ANKRD31: variants seen among roughly 807,000 people sequenced by gnomAD.
ANKRD31 encodes ankyrin repeat domain 31, also known as ankyrin repeat domain-containing protein 31.
A neutral mutation model predicts 186.0 loss-of-function variants in ANKRD31; 147 were observed. The ratio of observed to expected loss-of-function variants is 0.79; its 90% CI spans 0.69 to 0.91. The LOEUF (loss-of-function observed/expected upper bound fraction) is 0.91. Ranked by LOEUF, ANKRD31 falls within the 40% of genes least tolerant of loss-of-function variation. The pLI, the probability that ANKRD31 is intolerant of heterozygous loss-of-function variation, is 0.00. For synonymous variants in ANKRD31, 673 were observed against 736.4 expected, an observed-to-expected ratio of 0.91 and a Z score of 1.39; for missense variants, 1,986 against 2,148.8, an observed-to-expected ratio of 0.92 and a Z score of 1.50.
At chr5:75,225,092 C>T (rs73116843) in intron 2 of ANKRD31, among the ~76,000 whole-genome samples, 7,315 of 151,984 alleles carry the variant, frequency 0.048, 377 homozygotes, top group African/African-American at 0.13. Context: ...TTATTTGCTG[C>T]GTTGGTTGTA....
At chr5:75,227,305 A>G (rs1757689791) in intron 2 of ANKRD31, among the ~76,000 whole-genome samples, 1 of 152,206 alleles carries the variant, frequency 6.6e-6, no homozygotes, top group Non-Finnish European at 1.5e-5. Flanking sequence ...AGAAGGATGT[A>G]GGGATGGTTA....
At chr5:75,194,100 G>A (rs1021783147) in intron 7 of ANKRD31, among the ~76,000 whole-genome samples, 13 of 152,122 alleles carry the variant, frequency 8.5e-5, no homozygotes, top group Non-Finnish European at 1.8e-4. Flanking sequence ...ATTCATTATA[G>A]ATTTAACTTC....
chr5:75,132,442 T>C (rs1749944787), intron 17 of ANKRD31, among the ~76,000 whole-genome samples: 1 of 151,968 alleles, frequency 6.6e-6, no homozygotes, highest in Non-Finnish European at 1.5e-5. Flanking sequence ...ATGAATGAAC[T>C]GAAGCGAGAA....
At chr5:75,210,443 G>T (rs1756547096) in intron 4 of ANKRD31, among the ~76,000 whole-genome samples, 2 of 152,186 alleles carry the variant, frequency 1.3e-5, no homozygotes, top group Admixed American at 1.3e-4. Context: ...CAGAGTGCTA[G>T]GATTACAGGC....
intron 2 of ANKRD31, chr5:75,225,593 G>T: frequency 4.1e-6 from 1 of 242,726 alleles, no homozygotes. Flanking sequence ...AATTTGACAG[G>T]CAACCAATAA....
intron 3 of ANKRD31, among the ~76,000 whole-genome samples, chr5:75,217,989 G>C (rs1757063826): frequency 6.6e-6 from 1 of 152,016 alleles, no homozygotes. Flanking sequence ...TGTCTCAAAA[G>C]GATCTTATTT....
chr5:75,103,658 AC>A (rs1182314697), intron 22 of ANKRD31, among the ~76,000 whole-genome samples: 1 of 152,256 alleles, frequency 6.6e-6, no homozygotes, highest in African/African-American at 2.4e-5. Flanking sequence ...ACCATGGAAT[AC>A]TATGCAGCCA....
chr5:75,233,040 C>T (rs1392291884), intron 1 of ANKRD31, among the ~76,000 whole-genome samples: 1 of 150,602 alleles, frequency 6.6e-6, no homozygotes, highest in Admixed American at 6.6e-5. Context: ...TAGGTTCTAC[C>T]ATTTCTTTTT....
chr5:75,119,333 A>G (rs1455571280), intron 17 of ANKRD31, among the ~76,000 whole-genome samples: 2 of 152,196 alleles, frequency 1.3e-5, no homozygotes, highest in South Asian at 2.1e-4. Context: ...GCTTGCACTT[A>G]TAAGTGAGAA....
intron 15 of ANKRD31, among the ~76,000 whole-genome samples, chr5:75,140,278 A>G (rs1477637414): frequency 1.7e-5 from 2 of 117,426 alleles, no homozygotes; most frequent in East Asian, 2.4e-4. Context: ...AAAGAGAGAG[A>G]GAGAAAGAAA....
At chr5:75,139,540 T>C (rs1035374712) in intron 15 of ANKRD31, among the ~76,000 whole-genome samples, 3 of 152,070 alleles carry the variant, frequency 2.0e-5, no homozygotes, top group Non-Finnish European at 4.4e-5. Flanking sequence ...GATCATGTTT[T>C]CCCCCTATTT....
chr5:75,206,471 AAC>A lies in ANKRD31; in HGVS notation c.341_342del (p.Cys114PhefsTer20). The A allele has an allele frequency of 6.9e-7, 1 of 1,455,368 alleles. No individual in the cohort carries two copies. Among genetic ancestry groups the A allele is most frequent in the Non-Finnish European group, 9.0e-7 (1 of 1,109,714 alleles). 90.2% of individuals were successfully genotyped at this position (1,455,368 alleles called of 1,614,324 possible). On this transcript the variant is annotated frameshift_variant, in exon 5 of 26. Transcript: ENST00000506364. LOFTEE classifies it high-confidence loss of function. ...TGGCGAAACGACCCAATGAACATTG[AAC>A]AGTTTTTTCTAGTCCTAAAAAATCA... ...NQALLQTRKN[C>X]SMFIGSFRQS...
intron 17 of ANKRD31, among the ~76,000 whole-genome samples, chr5:75,130,048 G>A (rs921073371): frequency 3.9e-5 from 6 of 152,144 alleles, no homozygotes; most frequent in Admixed American, 3.9e-4. Flanking sequence ...TCTTAAAGAT[G>A]GCGTGTCCAG....
At chr5:75,085,936 G>C (rs991389619) in intron 23 of ANKRD31, among the ~76,000 whole-genome samples, 2 of 152,132 alleles carry the variant, frequency 1.3e-5, no homozygotes, top group Non-Finnish European at 2.9e-5. Flanking sequence ...TCAATCCTAT[G>C]ACCAAACAAA....
intron 22 of ANKRD31, among the ~76,000 whole-genome samples, chr5:75,097,973 T>C (rs1746469966): frequency 6.6e-6 from 1 of 152,126 alleles, no homozygotes; most frequent in Admixed American, 6.5e-5. Context: ...GTTGTAGATG[T>C]GTGGTATTAT....
At chr5:75,077,559 AT>A (rs5868761) in intron 25 of ANKRD31, among the ~76,000 whole-genome samples, 77,006 of 151,760 alleles carry the variant, frequency 0.51, 22,600 homozygotes, top group African/African-American at 0.82. Flanking sequence ...GAGGTACTTG[AT>A]TTTTATATAT....
intron 10 of ANKRD31, among the ~76,000 whole-genome samples, chr5:75,177,991 C>G (rs888500086): frequency 1.3e-5 from 2 of 152,126 alleles, no homozygotes; most frequent in Non-Finnish European, 2.9e-5. Context: ...GGAAATCCAT[C>G]TCACGTGCAG....
At chr5:75,181,033 C>CAA (rs34106464) in intron 10 of ANKRD31, among the ~76,000 whole-genome samples, 3 of 139,802 alleles carry the variant, frequency 2.1e-5, no homozygotes, top group Non-Finnish European at 4.9e-5. Context: ...AACAAATTTA[C>CAA]AAAAAAAAAA....
chr5:75,195,780 A>G lies in ANKRD31; in HGVS notation c.868T>C (p.Leu290=), dbSNP rs1580534914. The change falls in exon 7 of 26, where the codon TTG becomes CTG. Residue 290 remains leucine (L), a synonymous_variant. Transcript: ENST00000506364. ...TCTGACAATGTGTTCAGGGCTTCCA[A>G]TAACTCAGCTGGCAATGCATCATCT... ...AKDDALPAEL[L]EALNTLSEAK... 1 of 1,537,494 alleles carries G rather than the reference A, an allele frequency of 6.5e-7. No individual in the cohort carries two copies. The highest frequency in any genetic ancestry group is 8.7e-7 in the Non-Finnish European group (1 of 1,146,922).
Sources: gnomAD v4.1 joint callset for allele counts (sites outside exome capture counted in the v4.1 genomes callset) on GRCh38, gnomAD v4.1.1 for gene constraint, MANE v1.5 for transcripts, NCBI Gene and HGNC (gene_info 2026-07-23, HGNC 2026-07-21) for gene names.